Variants in PCDH15 observed in about 807,000 individuals in gnomAD.
The protein encoded by PCDH15 is protocadherin-15.
Under a neutral mutation model 178.5 loss-of-function variants are expected in PCDH15, and 129 were observed. The ratio of observed to expected loss-of-function variants is 0.72; its 90% CI spans 0.63 to 0.84. The LOEUF (loss-of-function observed/expected upper bound fraction) is 0.84, where lower values mean the gene tolerates loss of function less well. PCDH15 is among the 40% of genes least tolerant of loss of function. The pLI, the probability that PCDH15 is intolerant of heterozygous loss-of-function variation, is 0.00. For missense variants in PCDH15, 2,230 were observed against 2,099.9 expected (o/e 1.06, Z -1.21); for synonymous variants, 800 against 732.0 (o/e 1.09, Z -1.50).
In PCDH15 at chr10:53,823,041, G is replaced by C. The variant is rs749803739; in HGVS notation, c.4368-2811C>G. 1.4e-5 allele frequency: 22 copies of C among 1,614,026 alleles called. 1 individual carries two copies. In the South Asian group the frequency reaches 2.3e-4, roughly 17 times the overall value. On this transcript the variant is annotated intron_variant, in intron 32 of 37. Coordinates refer to ENST00000644397, the MANE Select transcript of PCDH15 (RefSeq NM_001384140.1). ...AATCTTTTCTCTTGGGCCCCTCAGA[G>C]ACTTACTCTTGGCTTGTATTTTGGG...
chr10:55,554,684 G>A (rs1842057913), intron 2 of PCDH15, among the ~76,000 whole-genome samples: 1 of 151,978 alleles, frequency 6.6e-6, no homozygotes, highest in Admixed American at 6.6e-5. Context: ...ATGTGGATTT[G>A]GGTATTAGTG....
chr10:54,388,090 CT>C (rs1950127426), intron 3 of PCDH15, among the ~76,000 whole-genome samples: 1 of 152,114 alleles, frequency 6.6e-6, no homozygotes, highest in African/African-American at 2.4e-5. Flanking sequence ...CTTAATACCA[CT>C]GAACTGTACA....
intron 2 of PCDH15, among the ~76,000 whole-genome samples, chr10:55,626,241 T>A (rs80247917): frequency 0.021 from 3,159 of 152,140 alleles, 121 homozygotes; most frequent in African/African-American, 0.072. Flanking sequence ...CAGATTCCAC[T>A]AGTTGCAGTT....
At chr10:54,730,657 G>A (rs1943211275) in intron 1 of PCDH15, among the ~76,000 whole-genome samples, 2 of 151,334 alleles carry the variant, frequency 1.3e-5, no homozygotes, top group African/African-American at 2.4e-5. Flanking sequence ...AGGAAATGGG[G>A]AAATGAGATT....
intron 2 of PCDH15, among the ~76,000 whole-genome samples, chr10:55,080,622 T>C (rs990963718): frequency 1.3e-5 from 2 of 152,010 alleles, no homozygotes; most frequent in Non-Finnish European, 1.5e-5. Flanking sequence ...CCAGGAGGGA[T>C]CTCGTCCTTT....
chr10:55,338,777 A>AAAAAC (rs1419969512), intron 2 of PCDH15, among the ~76,000 whole-genome samples: 2 of 152,158 alleles, frequency 1.3e-5, no homozygotes, highest in African/African-American at 2.4e-5. Context: ...ACTCCATCTC[A>AAAAAC]AAAACAAAAC....
chr10:55,380,532 TA>T (rs2132000508), intron 2 of PCDH15, among the ~76,000 whole-genome samples: 2 of 152,258 alleles, frequency 1.3e-5, no homozygotes, highest in Middle Eastern at 3.4e-3. Context: ...TATTATAAAA[TA>T]ATGCCCCCTT....
chr10:53,814,422 G>A (rs955876704), intron 35 of PCDH15, among the ~76,000 whole-genome samples: 3 of 152,016 alleles, frequency 2.0e-5, no homozygotes, highest in Non-Finnish European at 4.4e-5. Flanking sequence ...GGAAAATAAC[G>A]CTCAGCTCTT....
chr10:55,150,368 T>C (rs1038134468), intron 2 of PCDH15, among the ~76,000 whole-genome samples: 6 of 152,164 alleles, frequency 3.9e-5, no homozygotes, highest in Admixed American at 2.6e-4. Context: ...CCTTCCAATT[T>C]TTATGTTGTT....
At chr10:55,562,724 T>TA (rs1362438393) in intron 2 of PCDH15, among the ~76,000 whole-genome samples, 1 of 152,008 alleles carries the variant, frequency 6.6e-6, no homozygotes, top group Non-Finnish European at 1.5e-5. Context: ...TGAGAAATGA[T>TA]ACGTGTGGGG....
At chr10:54,718,640 A>C (rs888115822) in intron 1 of PCDH15, among the ~76,000 whole-genome samples, 3 of 151,270 alleles carry the variant, frequency 2.0e-5, no homozygotes, top group African/African-American at 7.3e-5. Flanking sequence ...CTATGAAAGT[A>C]TGAAAAACAG....
intron 2 of PCDH15, among the ~76,000 whole-genome samples, chr10:54,922,369 G>A (rs1837515838): frequency 6.6e-6 from 1 of 152,128 alleles, no homozygotes; most frequent in Admixed American, 6.6e-5. Flanking sequence ...CCAAAAGAGA[G>A]AAATTGGCCA....
chr10:55,283,860 CAT>C (rs1024684087), intron 1 of PCDH15, among the ~76,000 whole-genome samples: 1 of 152,164 alleles, frequency 6.6e-6, no homozygotes, highest in Admixed American at 6.6e-5. Flanking sequence ...AAGAACAACT[CAT>C]AGAAATACTT....
chr10:54,660,222 G>T (rs1047370088), intron 2 of PCDH15, among the ~76,000 whole-genome samples: 19 of 151,892 alleles, frequency 1.3e-4, no homozygotes, highest in African/African-American at 4.4e-4. Context: ...ATTCTAATAC[G>T]CACAATCAGA....
intron 2 of PCDH15, among the ~76,000 whole-genome samples, chr10:54,962,405 A>G (rs1838679486): frequency 6.6e-6 from 1 of 151,748 alleles, no homozygotes; most frequent in African/African-American, 2.4e-5. Context: ...GCTGAAACAT[A>G]TCTCCCCCCA....
chr10:53,966,909 T>C (rs1007994043), intron 21 of PCDH15, among the ~76,000 whole-genome samples: 12 of 151,770 alleles, frequency 7.9e-5, no homozygotes, highest in Admixed American at 1.3e-4. Flanking sequence ...TATATATATG[T>C]ATATATATTT....
chr10:54,153,194 G>A lies in PCDH15; in HGVS notation c.1690C>T (p.Leu564Phe). 6.2e-7 allele frequency: 1 copy of A among 1,613,866 alleles called. No homozygotes were observed. The highest frequency in any genetic ancestry group is 8.5e-7 in the Non-Finnish European group (1 of 1,179,874). The change falls in exon 14 of 38, where the codon CTT becomes TTT. Residue 564 changes from leucine to phenylalanine, a missense_variant. Transcript: ENST00000644397. ...GDFIINKTTG[L>F]ITIAPGVEMI... ...TCCACCCCTGGAGCGATGGTGATAA[G>A]CCCTGTTGTTTTATTGATGATGAAG...
Position 55,349,751 on chromosome 10 carries a change from A to G in PCDH15, c.-155-183100T>C, listed in dbSNP as rs1844861259. On this transcript the variant is annotated intron_variant, in intron 2 of 5. Coordinates refer to the PCDH15 transcript ENST00000613346. ...TTTTCATTTTCATTATCCTATTGTA[A>G]GATAAAGAGAGTCATGGCAGAAAAG... is the stretch of plus-strand genomic sequence containing the variant. Among the ~76,000 whole-genome samples the G allele has an allele frequency of 2.0e-5, 3 of 152,258 alleles. No individual in the cohort carries two copies. The South Asian group carries it at 6.2e-4, about 32-fold the overall frequency.
chr10:53,969,400 A>T (rs1008443139), intron 21 of PCDH15, among the ~76,000 whole-genome samples: 3 of 152,256 alleles, frequency 2.0e-5, no homozygotes, highest in Non-Finnish European at 2.9e-5. Flanking sequence ...CCTGAAAGTG[A>T]CAGTGAGAAT....
Sources: gnomAD v4.1 joint callset for allele counts (sites outside exome capture counted in the v4.1 genomes callset) on GRCh38, gnomAD v4.1.1 for gene constraint, MANE v1.5 for transcripts, NCBI Gene and HGNC (gene_info 2026-07-23, HGNC 2026-07-21) for gene names.